Variants in COL5A3 observed in about 807,000 individuals in gnomAD.
The protein encoded by COL5A3 is collagen type V alpha 3 chain.
COL5A3 carries 172 observed loss-of-function variants against 250.0 expected under a neutral mutation model. That is an observed-to-expected ratio of 0.69 (90% CI 0.61 to 0.78). COL5A3 has a LOEUF of 0.78. Among genes scored for constraint, COL5A3 ranks in the 30% least tolerant of loss-of-function variants. The probability of loss-of-function intolerance (pLI) is 0.00; values close to 1 mark genes in which losing one functional copy is unlikely to be tolerated. For missense variants in COL5A3, 2,340 were observed against 2,334.4 expected (o/e 1.00, Z -0.05); for synonymous variants, 937 against 900.4 (o/e 1.04, Z -0.73).
At chr19:10,004,891 AG>A (rs2087419390) in intron 4 of COL5A3, among the ~76,000 whole-genome samples, 2 of 152,200 alleles carry the variant, frequency 1.3e-5, no homozygotes, top group Non-Finnish European at 2.9e-5. Context: ...CTCAGGTCAC[AG>A]TCTCAGACAC....
chr19:9,960,672 G>A lies in COL5A3; in HGVS notation c.5070C>T (p.Ser1690=), dbSNP rs765255464. ...SFNQTTAATV[S]VPQDGCRLRK... ...TTACCCGGCAGCCATCCTGGGGGAC[G>A]CTGACAGTGGCTGCTGTCGTCTGGT... The change falls in exon 66 of 67, where the codon AGC becomes AGT. Residue 1690 remains serine, a synonymous_variant. Transcript: ENST00000264828. The A allele has an allele frequency of 9.9e-6, 16 of 1,613,880 alleles. No individual in the cohort carries two copies. The highest frequency in any genetic ancestry group is 1.6e-4 in the Middle Eastern group (1 of 6,062).
At position 9,995,585 on chromosome 19, in the gene COL5A3, G is replaced by C; in HGVS notation, c.1566C>G (p.Pro522=). Residue 522 remains proline, a synonymous_variant, in exon 16 of 67, where the codon CCC becomes CCG. Coordinates refer to ENST00000264828, the MANE Select transcript of COL5A3 (RefSeq NM_015719.4). ...TCACCATCTTGCCCACTCGGCCAGG[G>C]GGTCCATGAGGTCCCTGCAGGCCTC... ...GPRGLQGPHG[P]PGRVGKMGRP... 6.8e-6 allele frequency: 11 copies of C among 1,608,252 alleles called. No homozygotes were observed. The highest frequency in any genetic ancestry group is 9.3e-6 in the Non-Finnish European group (11 of 1,176,768).
chr19:10,004,724 C>G (rs2087416487), intron 4 of COL5A3, among the ~76,000 whole-genome samples: 1 of 152,116 alleles, frequency 6.6e-6, no homozygotes, highest in Non-Finnish European at 1.5e-5. Flanking sequence ...AGGTCCCTGG[C>G]CTCCCAGAGG....
chr19:9,966,079 G>A (rs550618070), intron 64 of COL5A3, among the ~76,000 whole-genome samples: 10 of 152,266 alleles, frequency 6.6e-5, no homozygotes, highest in Admixed American at 2.0e-4. Flanking sequence ...CGATCCTCCC[G>A]CCTCAGCCTC....
chr19:10,007,614 C>T (rs2087462037), intron 1 of COL5A3, among the ~76,000 whole-genome samples: 2 of 152,236 alleles, frequency 1.3e-5, no homozygotes, highest in African/African-American at 4.8e-5. Flanking sequence ...GCCCCAGCCT[C>T]TTGGCGGGAG....
chr19:9,980,080 C>CTGCCCACT lies in COL5A3; in HGVS notation c.2605-34_2605-33insAGTGGGCA, dbSNP rs1401291881. ...GGAAACAGAAATCATGATCTCATCC[C>CTGCCCACT]CCCTGCCTCCCTGCCCACTCCCTGA... On this transcript the variant is annotated intron_variant, in intron 35 of 66. Transcript: ENST00000264828. 9 of 1,573,454 alleles carry CTGCCCACT rather than the reference C, an allele frequency of 5.7e-6. No individual in the cohort carries two copies. The Admixed American group carries it at 1.7e-4, about 30-fold the overall frequency.
At chr19:9,965,458 CTT>C (rs781503204) in intron 64 of COL5A3, among the ~76,000 whole-genome samples, 1 of 139,498 alleles carries the variant, frequency 7.2e-6, no homozygotes. Flanking sequence ...GCCCGGCCTT[CTT>C]TTTTTTTTTT....
chr19:10,002,808 T>A (rs931028621), intron 6 of COL5A3, among the ~76,000 whole-genome samples: 1 of 152,010 alleles, frequency 6.6e-6, no homozygotes, highest in Non-Finnish European at 1.5e-5. Flanking sequence ...TCCTAACTAA[T>A]AATTCCCTCA....
intron 4 of COL5A3, among the ~76,000 whole-genome samples, chr19:10,005,059 C>T (rs927107940): frequency 6.6e-5 from 10 of 152,016 alleles, no homozygotes; most frequent in Non-Finnish European, 1.2e-4. Flanking sequence ...TAGGCATCGT[C>T]ACAATTTATG....
chr19:9,978,476 A>G (rs2086954396), intron 41 of COL5A3, 98 bp downstream of exon 41: 13 of 799,274 alleles, frequency 1.6e-5, no homozygotes, highest in Non-Finnish European at 2.8e-5. Context: ...TGCCTGCCTC[A>G]GCCTCCATCA....
chr19:9,970,313 ATCTGTGGGTGAGTGGGG>A (rs1344936798), intron 54 of COL5A3, among the ~76,000 whole-genome samples: 14 of 24,936 alleles, frequency 5.6e-4, no homozygotes, highest in Admixed American at 2.3e-3. Flanking sequence ...GGTGAGTGGA[ATCTGTGGGTGAGTGGGG>A]TCTGTGGGTG....
intron 21 of COL5A3, 96 bp from the exon 22 acceptor site, chr19:9,992,144 C>G (rs956908319): frequency 1.9e-6 from 2 of 1,063,840 alleles, no homozygotes; most frequent in Admixed American, 2.0e-5. Context: ...TGAGCAGGGC[C>G]GGGCACTGTG....
chr19:9,978,446 A>C (rs1599544329), intron 41 of COL5A3, 128 bp downstream of exon 41: 1 of 668,634 alleles, frequency 1.5e-6, no homozygotes, highest in Admixed American at 2.6e-5. Flanking sequence ...CTGATCTTGA[A>C]CTCCTGACCT....
At chr19:9,996,848 A>G in intron 11 of COL5A3, 159 bp from the exon 12 acceptor site, 1 of 601,640 alleles carries the variant, frequency 1.7e-6, no homozygotes, top group Non-Finnish European at 2.9e-6. Flanking sequence ...AAAGAGAGAG[A>G]AGTAGAGAGA....
At chr19:9,995,712 G>A in intron 15 of COL5A3, 95 bp from the exon 16 acceptor site, 1 of 950,332 alleles carries the variant, frequency 1.1e-6, no homozygotes, top group Non-Finnish European at 1.6e-6. Context: ...GGGTCTTGCT[G>A]TATTGCCCAG....
At chr19:10,008,445 T>G (rs1371818462) in intron 1 of COL5A3, among the ~76,000 whole-genome samples, 230 of 148,326 alleles carry the variant, frequency 1.6e-3, no homozygotes, top group Non-Finnish European at 2.0e-3. Context: ...GGACAAGGGG[T>G]GGGGGGGTCT....
At chr19:9,983,385 C>T (rs1175985901) in intron 31 of COL5A3, among the ~76,000 whole-genome samples, 1 of 151,800 alleles carries the variant, frequency 6.6e-6, no homozygotes, top group Non-Finnish European at 1.5e-5. Context: ...TTGTTCCCAG[C>T]TACTCAGGAG....
chr19:9,977,599 A>G lies in COL5A3; in HGVS notation c.3121T>C (p.Ser1041Pro). Reference sequence around the variant, plus strand: ...GGGATGGGCAAGTCACTTACCCGGGACCCCTTCTTGCCTGCAGGGCCAACG... The same window carrying G: ...GGGATGGGCAAGTCACTTACCCGGGGCCCCTTCTTGCCTGCAGGGCCAACG... ...GPVGPAGKKG[S>P]RGERGPPGPT... Residue 1041 changes from serine (S) to proline (P), a missense_variant, in exon 42 of 67, where the codon TCC (serine) becomes CCC (proline). By Grantham distance (74) the Ser-to-Pro change is moderately conservative (BLOSUM62 -1). Transcript: ENST00000264828. The G allele has an allele frequency of 1.3e-6, 2 of 1,583,652 alleles. No homozygotes were observed. The highest frequency in any genetic ancestry group is 1.7e-6 in the Non-Finnish European group (2 of 1,164,938).
chr19:10,004,670 G>A (rs1020475605), intron 4 of COL5A3, among the ~76,000 whole-genome samples: 5 of 152,098 alleles, frequency 3.3e-5, no homozygotes, highest in Non-Finnish European at 7.3e-5. Flanking sequence ...GGCTTGTTGT[G>A]GGAAGAGCTG....
Sources: gnomAD v4.1 joint callset for allele counts (sites outside exome capture counted in the v4.1 genomes callset) on GRCh38, gnomAD v4.1.1 for gene constraint, MANE v1.5 for transcripts, NCBI Gene and HGNC (gene_info 2026-07-23, HGNC 2026-07-21) for gene names.